ZCCHC4: variants seen among roughly 807,000 people sequenced by gnomAD.
The protein encoded by ZCCHC4 is zinc finger CCHC-type containing 4, also known as rRNA N(6)-adenosine-methyltransferase ZCCHC4.
A neutral mutation model predicts 67.7 loss-of-function variants in ZCCHC4; 54 were observed. The observed-to-expected ratio is 0.80, with a 90% CI of 0.64 to 1.00. ZCCHC4 has a LOEUF of 1.00. ZCCHC4 is among the 50% of genes least tolerant of loss of function. The probability of loss-of-function intolerance (pLI) is 0.00; values close to 1 mark genes in which losing one functional copy is unlikely to be tolerated. For synonymous variants in ZCCHC4, 198 were observed against 213.5 expected, an observed-to-expected ratio of 0.93 and a Z score of 0.63; for missense variants, 609 against 617.0, an observed-to-expected ratio of 0.99 and a Z score of 0.14.
In ZCCHC4 at chr4:25,359,375, C is replaced by T. The variant is rs1298733497; in HGVS notation, c.1012-2484C>T. On this transcript the variant is annotated intron_variant, in intron 8 of 12. Transcript: ENST00000302874. This position sits in a 1 kb window ranked among gnomAD's most constrained non-coding sequence, Gnocchi z 4.9. ...CACAGCTCAGAAAAAGAGTTAGAAG[C>T]TGCCATGAATGGGGACCTCCAGGCA... Among the ~76,000 whole-genome samples the T allele has an allele frequency of 6.6e-6, 1 of 152,140 alleles. No individual in the cohort carries two copies. Among genetic ancestry groups the T allele is most frequent in the Admixed American group, 6.5e-5 (1 of 15,276 alleles).
chr4:25,318,322 T>A (rs1323135210), intron 3 of ZCCHC4, among the ~76,000 whole-genome samples: 3 of 138,514 alleles, frequency 2.2e-5, no homozygotes, highest in Admixed American at 7.3e-5. Context: ...GCTAAACCAC[T>A]GTTCTTTTTT....
intron 11 of ZCCHC4, among the ~76,000 whole-genome samples, 171 bp downstream of exon 11, chr4:25,364,676 C>T (rs893924797): frequency 8.6e-5 from 13 of 151,948 alleles, no homozygotes; most frequent in Admixed American, 2.0e-4. Context: ...TGCCATGTTC[C>T]GCCTTGCATG....
At chr4:25,338,134 T>G (rs1719553900) in intron 5 of ZCCHC4, among the ~76,000 whole-genome samples, 1 of 152,230 alleles carries the variant, frequency 6.6e-6, no homozygotes, top group Non-Finnish European at 1.5e-5. Flanking sequence ...CTCTGTCACC[T>G]AAGCTGGAAT....
chr4:25,313,895 C>CA, intron 1 of ZCCHC4, 151 bp from the exon 2 acceptor site: 1 of 581,118 alleles, frequency 1.7e-6, no homozygotes, highest in East Asian at 2.7e-5. Context: ...CCTAACAAAA[C>CA]AAAAAACAAC....
At chr4:25,332,535 A>G (rs1719236638) in intron 3 of ZCCHC4, among the ~76,000 whole-genome samples, 1 of 152,130 alleles carries the variant, frequency 6.6e-6, no homozygotes, top group Admixed American at 6.5e-5. Flanking sequence ...CTCTAATAAA[A>G]TTAAAAAAGA....
At chr4:25,345,506 T>C in intron 5 of ZCCHC4, 42 bp from the exon 6 acceptor site, 3 of 1,078,518 alleles carry the variant, frequency 2.8e-6, no homozygotes, top group Non-Finnish European at 4.3e-6. Flanking sequence ...TTGTCTACTC[T>C]ATAGCTGTGA....
chr4:25,369,307 G>A lies in ZCCHC4; in HGVS notation c.*143G>A. On this transcript the variant is annotated 3_prime_UTR_variant, in exon 13 of 13. Coordinates refer to ENST00000302874, the MANE Select transcript of ZCCHC4 (RefSeq NM_024936.3). ...AGATAACAGGCAGGTGGCATTTGCT[G>A]GTTTACAGTCCCTTATCTGCCTCTC... 8.9e-7 allele frequency: 1 copy of A among 1,119,412 alleles called. No homozygotes were observed. Among genetic ancestry groups the A allele is most frequent in the Non-Finnish European group, 1.3e-6 (1 of 787,002 alleles). 69.3% of individuals were successfully genotyped at this position (1,119,412 alleles called of 1,614,324 possible).
At chr4:25,313,941 G>T (rs1718096857) in intron 1 of ZCCHC4, 105 bp from the exon 2 acceptor site, 2 of 690,746 alleles carry the variant, frequency 2.9e-6, no homozygotes, top group Non-Finnish European at 5.0e-6. Context: ...GATAAATTGT[G>T]CCTAAAGCTC....
At chr4:25,337,343 GTCTT>G (rs1445132718) in intron 5 of ZCCHC4, among the ~76,000 whole-genome samples, 1 of 152,170 alleles carries the variant, frequency 6.6e-6, no homozygotes, top group Non-Finnish European at 1.5e-5. Context: ...CTCTCATTCT[GTCTT>G]TCTCTGTGTA....
intron 8 of ZCCHC4, among the ~76,000 whole-genome samples, chr4:25,360,104 C>G (rs576164258): frequency 6.6e-6 from 1 of 152,304 alleles, no homozygotes; most frequent in African/African-American, 2.4e-5. Context: ...AACAGTTTGC[C>G]TTCATGGGAG....
chr4:25,315,717 T>G (rs1466489806), intron 3 of ZCCHC4, among the ~76,000 whole-genome samples: 2 of 149,966 alleles, frequency 1.3e-5, no homozygotes, highest in Non-Finnish European at 3.0e-5. Context: ...TGTGTGTTTT[T>G]TTTTTTTTTT....
Position 25,339,096 on chromosome 4 carries a change from G to A in ZCCHC4, c.686+5108G>A, listed in dbSNP as rs112617999. On this transcript the variant is annotated intron_variant, in intron 5 of 12. Coordinates refer to ENST00000302874, the MANE Select transcript of ZCCHC4 (RefSeq NM_024936.3). ...TCTCCTCATAAGTTCTTCTCTTTGT[G>A]TGCGTATCCCTGGCGTTTCTTACTA... is the stretch of plus-strand genomic sequence containing the variant. 6.8e-3 allele frequency among the ~76,000 whole-genome samples: 1,033 copies of A among 152,244 alleles called. 10 individuals carry two copies. Among genetic ancestry groups the A allele is most frequent in the African/African-American group, 0.023 (970 of 41,526 alleles).
intron 3 of ZCCHC4, among the ~76,000 whole-genome samples, chr4:25,317,945 A>C (rs1718359146): frequency 6.6e-6 from 1 of 152,322 alleles, no homozygotes; most frequent in East Asian, 1.9e-4. Context: ...GCAGATAGTA[A>C]TATATGATGC....
At position 25,365,046 on chromosome 4, in the gene ZCCHC4, A is replaced by G. The variant is rs61741446; in HGVS notation, c.1286A>G (p.Asn429Ser). 2.9e-5 allele frequency: 47 copies of G among 1,613,792 alleles called. No homozygotes were observed. The highest frequency in any genetic ancestry group is 1.5e-4 in the African/African-American group (11 of 74,926). The stretch of plus-strand genomic sequence containing the variant: ...GCCTGGATCCACTGTAGCATCTGCA[A>G]TCACTGTGCTGTTCCAGATCATTCT... ...KPSWIHCSIC[N>S]HCAVPDHSCE... Residue 429 changes from asparagine to serine, a missense_variant, in exon 12 of 13, where the codon AAT becomes AGT. Coordinates refer to ENST00000302874, the MANE Select transcript of ZCCHC4 (RefSeq NM_024936.3).
intron 1 of ZCCHC4, 82 bp downstream of exon 1, chr4:25,313,018 AT>A: frequency 6.5e-7 from 1 of 1,534,080 alleles, no homozygotes; most frequent in African/African-American, 1.4e-5. Flanking sequence ...GGGCTCCTGT[AT>A]TTTTACCCGC....
At chr4:25,322,203 T>A (rs1245606394) in intron 3 of ZCCHC4, among the ~76,000 whole-genome samples, 1 of 152,202 alleles carries the variant, frequency 6.6e-6, no homozygotes, top group Non-Finnish European at 1.5e-5. Context: ...AGGGTCTTGC[T>A]CTCTCACCCA....
chr4:25,327,726 CT>C (rs1243443266), intron 3 of ZCCHC4, among the ~76,000 whole-genome samples: 1 of 152,166 alleles, frequency 6.6e-6, no homozygotes, highest in Admixed American at 6.5e-5. Flanking sequence ...AGCCGTCCTC[CT>C]GCCTCAGGCT....
At chr4:25,317,974 G>T (rs1226892403) in intron 3 of ZCCHC4, among the ~76,000 whole-genome samples, 1 of 152,082 alleles carries the variant, frequency 6.6e-6, no homozygotes, top group Non-Finnish European at 1.5e-5. Context: ...TTAATTTGAG[G>T]ATACATGAGG....
chr4:25,361,006 G>A (rs374966151), intron 8 of ZCCHC4, among the ~76,000 whole-genome samples: 5 of 152,290 alleles, frequency 3.3e-5, no homozygotes, highest in East Asian at 3.9e-4. Context: ...GGTCTATCAA[G>A]GGTTAACCTT....
Sources: gnomAD v4.1 joint callset for allele counts (sites outside exome capture counted in the v4.1 genomes callset) on GRCh38, gnomAD v4.1.1 for gene constraint, Gnocchi (gnomAD v3.1) non-coding constraint, MANE v1.5 for transcripts, NCBI Gene and HGNC (gene_info 2026-07-23, HGNC 2026-07-21) for gene names.